DPP6: variants seen among roughly 807,000 people sequenced by gnomAD.
DPP6 encodes the protein dipeptidyl peptidase like 6.
DPP6 carries 69 observed loss-of-function variants against 122.6 expected under a neutral mutation model. The observed-to-expected ratio is 0.56, with a 90% CI of 0.46 to 0.69. The LOEUF is 0.69. Ranked by LOEUF, DPP6 falls within the 30% of genes least tolerant of loss-of-function variation. The pLI is 0.00. For missense variants in DPP6, 928 were observed against 1,116.9 expected, an observed-to-expected ratio of 0.83 and a Z score of 2.41; for synonymous variants, 418 against 433.1, an observed-to-expected ratio of 0.97 and a Z score of 0.43.
chr7:154,537,815 T>A (rs941419916), intron 3 of DPP6, among the ~76,000 whole-genome samples: 7 of 151,912 alleles, frequency 4.6e-5, no homozygotes, highest in Non-Finnish European at 8.8e-5. Context: ...GCAAAAGTCT[T>A]GTACATTTTT....
At chr7:153,836,179 T>C in the DPP6 span, among the ~76,000 whole-genome samples, 1 of 152,176 alleles carries the variant, frequency 6.6e-6, no homozygotes, top group Non-Finnish European at 1.5e-5. Context: ...AACTGGAAAA[T>C]AGGACGTTTG....
intron 1 of DPP6, among the ~76,000 whole-genome samples, chr7:154,237,990 C>A (rs1435719398): frequency 6.6e-6 from 1 of 152,130 alleles, no homozygotes; most frequent in African/African-American, 2.4e-5. Context: ...GAGAGAGGAT[C>A]CCAGGGACGT....
intron 1 of DPP6, among the ~76,000 whole-genome samples, chr7:153,971,586 T>C (rs1287592855): frequency 1.5e-5 from 2 of 132,028 alleles, no homozygotes; most frequent in African/African-American, 2.6e-5. Context: ...TTGGCAGATA[T>C]CTTTTGGCAG....
the DPP6 span, among the ~76,000 whole-genome samples, chr7:153,833,334 A>C: frequency 6.6e-6 from 1 of 152,230 alleles, no homozygotes; most frequent in Non-Finnish European, 1.5e-5. Context: ...AGGCATAAGC[A>C]TGATTTACAA....
chr7:154,173,446 C>T (rs1455197056), intron 1 of DPP6, among the ~76,000 whole-genome samples: 1 of 152,162 alleles, frequency 6.6e-6, no homozygotes, highest in African/African-American at 2.4e-5. Flanking sequence ...AAAGGCAGCC[C>T]CGGATTTTTA....
At chr7:154,137,792 C>T (rs979843089) in intron 1 of DPP6, among the ~76,000 whole-genome samples, 1 of 152,174 alleles carries the variant, frequency 6.6e-6, no homozygotes, top group Non-Finnish European at 1.5e-5. Context: ...CTTCTCCTCT[C>T]ACAGGGCACC....
At chr7:154,883,038 C>G (rs1412416803) in intron 21 of DPP6, among the ~76,000 whole-genome samples, 5 of 130,730 alleles carry the variant, frequency 3.8e-5, no homozygotes, top group African/African-American at 6.4e-5. Flanking sequence ...CATACACATG[C>G]TCACACACAC....
chr7:154,734,075 C>T (rs1319540000), intron 8 of DPP6, among the ~76,000 whole-genome samples: 2 of 152,218 alleles, frequency 1.3e-5, no homozygotes, highest in Admixed American at 1.3e-4. Context: ...CGGTTCGACG[C>T]AGATGAAGAA....
At chr7:153,955,045 C>T (rs113752955) in intron 1 of DPP6, among the ~76,000 whole-genome samples, 5 of 152,146 alleles carry the variant, frequency 3.3e-5, no homozygotes, top group Non-Finnish European at 5.9e-5. Flanking sequence ...AAACTCTGTT[C>T]GGCTAGCCAG....
At chr7:154,430,551 G>T (rs1233896532) in intron 1 of DPP6, among the ~76,000 whole-genome samples, 1 of 152,074 alleles carries the variant, frequency 6.6e-6, no homozygotes, top group Non-Finnish European at 1.5e-5. Context: ...CCTCCTGAAG[G>T]CCCCCCTCCT....
Position 154,316,369 on chromosome 7 carries a change from T to C in DPP6, c.244-129845T>C, listed in dbSNP as rs1046250426. Among the ~76,000 whole-genome samples, 13 of 152,304 alleles carry C rather than the reference T, an allele frequency of 8.5e-5. No individual in the cohort carries two copies. In the East Asian group the frequency reaches 2.3e-3, roughly 27 times the overall value. On this transcript the variant is annotated intron_variant, in intron 1 of 25. Coordinates refer to ENST00000377770, the MANE Select transcript of DPP6 (RefSeq NM_130797.4). ...AGTGAATATTCTCTCATTTACCAAC[T>C]GTATAGATAAGAAAACCATCAGAAA...
chr7:153,908,644 C>G lies in DPP6; in HGVS notation c.51+20910C>G, dbSNP rs149573230. ...TTCAAATGAACTAAAAACCTGCCAT[C>G]TTCAAGGATTTCATTATACGATTCC... On this transcript the variant is annotated intron_variant, in intron 1 of 25. Coordinates refer to the DPP6 transcript ENST00000404039. 1.3e-3 allele frequency among the ~76,000 whole-genome samples: 201 copies of G among 152,294 alleles called. 4 individuals carry two copies. In the South Asian group the frequency reaches 0.013, roughly 10 times the overall value.
chr7:154,784,055 G>T (rs1208459314), intron 10 of DPP6, among the ~76,000 whole-genome samples: 1 of 152,166 alleles, frequency 6.6e-6, no homozygotes, highest in African/African-American at 2.4e-5. Flanking sequence ...TTCGGCTCCA[G>T]CTTGAGCCAC....
chr7:154,264,149 A>G (rs934016345), intron 1 of DPP6, among the ~76,000 whole-genome samples: 1 of 152,214 alleles, frequency 6.6e-6, no homozygotes, highest in Non-Finnish European at 1.5e-5. Flanking sequence ...TGGCCTTTTC[A>G]AAGAGTGTGA....
intron 1 of DPP6, among the ~76,000 whole-genome samples, chr7:154,428,739 A>T (rs1818113073): frequency 6.6e-6 from 1 of 152,164 alleles, no homozygotes; most frequent in African/African-American, 2.4e-5. Context: ...AAGTGATATA[A>T]CTCAGGAATG....
intron 7 of DPP6, among the ~76,000 whole-genome samples, chr7:154,682,861 G>A (rs1357367094): frequency 6.6e-6 from 1 of 152,200 alleles, no homozygotes; most frequent in Non-Finnish European, 1.5e-5. Flanking sequence ...ACTCGTGCTA[G>A]AGCAGTGATA....
At chr7:153,929,351 G>T (rs141651021) in intron 1 of DPP6, among the ~76,000 whole-genome samples, 9 of 152,290 alleles carry the variant, frequency 5.9e-5, no homozygotes, top group Non-Finnish European at 8.8e-5. Context: ...GCAACTGGAA[G>T]AATGCAGTTG....
intron 1 of DPP6, among the ~76,000 whole-genome samples, chr7:154,079,342 T>TG (rs1803818736): frequency 7.0e-6 from 1 of 143,032 alleles, no homozygotes; most frequent in South Asian, 2.2e-4. Flanking sequence ...CAGAGATTTG[T>TG]AAAAAAAGAC....
intron 3 of DPP6, among the ~76,000 whole-genome samples, chr7:154,505,376 T>TAA (rs1449340777): frequency 1.3e-5 from 2 of 152,214 alleles, no homozygotes; most frequent in Admixed American, 6.5e-5. Context: ...CACAATGAAT[T>TAA]AATAGTATTG....
Sources: allele counts gnomAD v4.1 joint callset (sites outside exome capture counted in the v4.1 genomes callset), GRCh38; gene constraint gnomAD v4.1.1; transcripts MANE v1.5; gene names NCBI Gene and HGNC (gene_info 2026-07-23, HGNC 2026-07-21).